WWOX: variants seen among roughly 807,000 people sequenced by gnomAD.
WWOX encodes WW domain containing oxidoreductase.
A neutral mutation model predicts 46.2 loss-of-function variants in WWOX; 69 were observed. The observed-to-expected ratio is 1.49, with a 90% confidence interval of 1.23 to 1.82. The LOEUF is 1.82. WWOX is among the 40% of genes most tolerant of loss of function. WWOX has a pLI of 0.00. For synonymous variants in WWOX, 359 were observed against 202.6 expected, an observed-to-expected ratio of 1.77 and a Z score of -6.56; for missense variants, 919 against 542.6, an observed-to-expected ratio of 1.69 and a Z score of -6.89.
At chr16:78,648,939 C>G (rs1330576994) in intron 8 of WWOX, among the ~76,000 whole-genome samples, 1 of 151,974 alleles carries the variant, frequency 6.6e-6, no homozygotes, top group Non-Finnish European at 1.5e-5. Flanking sequence ...CTGTTTGTTT[C>G]TTTGATTGTT....
intron 8 of WWOX, among the ~76,000 whole-genome samples, chr16:78,930,398 C>G (rs1216345097): frequency 1.3e-5 from 2 of 150,976 alleles, no homozygotes; most frequent in Non-Finnish European, 2.9e-5. Flanking sequence ...ACACCTTAGC[C>G]TCCTGAGTAG....
chr16:78,366,707 A>T (rs895603643), intron 5 of WWOX, among the ~76,000 whole-genome samples: 1 of 152,178 alleles, frequency 6.6e-6, no homozygotes, highest in Non-Finnish European at 1.5e-5. Context: ...TACTTGAAAA[A>T]TCTAAAATGC....
At chr16:79,115,691 G>A (rs1256481602) in intron 8 of WWOX, among the ~76,000 whole-genome samples, 1 of 152,100 alleles carries the variant, frequency 6.6e-6, no homozygotes, top group Non-Finnish European at 1.5e-5. Context: ...CCCAGCCCCC[G>A]CACTGGTTGC....
At chr16:78,627,982 C>A (rs530497204) in intron 8 of WWOX, among the ~76,000 whole-genome samples, 232 of 152,286 alleles carry the variant, frequency 1.5e-3, no homozygotes, top group African/African-American at 5.3e-3. Flanking sequence ...TGGCATTTGT[C>A]CTTGGGAGAG....
At chr16:79,120,436 G>A (rs564390756) in intron 8 of WWOX, among the ~76,000 whole-genome samples, 5 of 152,238 alleles carry the variant, frequency 3.3e-5, no homozygotes, top group African/African-American at 9.6e-5. Context: ...AAGTTTAGGC[G>A]CCCCTCCTGC....
intron 8 of WWOX, among the ~76,000 whole-genome samples, chr16:78,437,573 C>G (rs552370832): frequency 6.6e-6 from 1 of 152,126 alleles, no homozygotes; most frequent in Non-Finnish European, 1.5e-5. Context: ...CTCTGCCTCC[C>G]TCTTCTTCTT....
chr16:79,146,237 T>C (rs1236576292), intron 8 of WWOX, among the ~76,000 whole-genome samples: 1 of 152,190 alleles, frequency 6.6e-6, no homozygotes, highest in African/African-American at 2.4e-5. Flanking sequence ...AAAGAGTCTT[T>C]TGCATTTTTA....
chr16:78,858,535 T>A lies in WWOX; in HGVS notation c.1057-353073T>A, dbSNP rs1349503160. Among the ~76,000 whole-genome samples, 8 of 152,142 alleles carry A rather than the reference T, an allele frequency of 5.3e-5. No homozygotes were observed. The East Asian group carries it at 1.5e-3, about 29-fold the overall frequency. On this transcript the variant is annotated intron_variant, in intron 8 of 8. Transcript: ENST00000566780. ...GTATTTTCATAAAATGATTTGGGGTTGAGGTGATAAACAGTAATTATAAAT... is the reference window on the plus strand; with the variant it reads ...GTATTTTCATAAAATGATTTGGGGTAGAGGTGATAAACAGTAATTATAAAT...
intron 8 of WWOX, among the ~76,000 whole-genome samples, chr16:79,178,373 G>T (rs2050843321): frequency 6.6e-6 from 1 of 152,138 alleles, no homozygotes; most frequent in South Asian, 2.1e-4. Context: ...CTGGAGTGCA[G>T]TGGTGCGGTC....
chr16:78,723,973 C>G (rs1040049998), intron 8 of WWOX, among the ~76,000 whole-genome samples: 5 of 152,164 alleles, frequency 3.3e-5, no homozygotes, highest in African/African-American at 1.2e-4. Flanking sequence ...CCCCCATGGC[C>G]TCCATGGTAC....
At chr16:78,944,065 T>G (rs999130527) in intron 8 of WWOX, among the ~76,000 whole-genome samples, 1 of 152,176 alleles carries the variant, frequency 6.6e-6, no homozygotes, top group Non-Finnish European at 1.5e-5. Context: ...ACGTATTGAT[T>G]TCTGAGAATT....
intron 5 of WWOX, among the ~76,000 whole-genome samples, chr16:78,297,244 C>T (rs1286186025): frequency 6.6e-6 from 1 of 152,084 alleles, no homozygotes. Flanking sequence ...CTGTGTAAAC[C>T]TGAGAATGGT....
At chr16:78,763,429 T>A (rs1203861685) in intron 8 of WWOX, among the ~76,000 whole-genome samples, 1 of 152,232 alleles carries the variant, frequency 6.6e-6, no homozygotes, top group African/African-American at 2.4e-5. Flanking sequence ...TGGTCACATC[T>A]TCTGACCTCA....
At chr16:79,137,227 A>C (rs114773586) in intron 8 of WWOX, among the ~76,000 whole-genome samples, 1 of 152,102 alleles carries the variant, frequency 6.6e-6, no homozygotes, top group Non-Finnish European at 1.5e-5. Flanking sequence ...CATGCTCTCT[A>C]TTTCCTCGAT....
At chr16:78,300,565 C>T (rs767156046) in intron 5 of WWOX, among the ~76,000 whole-genome samples, 5 of 151,898 alleles carry the variant, frequency 3.3e-5, no homozygotes, top group Non-Finnish European at 7.4e-5. Flanking sequence ...CCTCCCTTCC[C>T]TCTCTTCCTT....
At chr16:78,707,937 C>T (rs527736394) in intron 8 of WWOX, among the ~76,000 whole-genome samples, 24 of 152,280 alleles carry the variant, frequency 1.6e-4, no homozygotes, top group Admixed American at 1.1e-3. Context: ...CAAAAGCAAT[C>T]GTGGTTTTTG....
At chr16:78,963,900 C>T (rs1228014437) in intron 8 of WWOX, among the ~76,000 whole-genome samples, 1 of 151,996 alleles carries the variant, frequency 6.6e-6, no homozygotes, top group African/African-American at 2.4e-5. Context: ...CTGGTGTTTC[C>T]CATGTTATTC....
intron 8 of WWOX, among the ~76,000 whole-genome samples, chr16:79,010,715 C>A (rs2047286363): frequency 1.3e-5 from 2 of 150,508 alleles, no homozygotes; most frequent in African/African-American, 4.9e-5. Context: ...GAGGTTTGGC[C>A]ATGGGTACCA....
At chr16:78,541,975 G>A (rs1253879944) in intron 8 of WWOX, among the ~76,000 whole-genome samples, 2 of 119,404 alleles carry the variant, frequency 1.7e-5, no homozygotes, top group African/African-American at 6.3e-5. Flanking sequence ...TTGGTGTCAT[G>A]TTTGAAGTCA....
Sources: allele counts gnomAD v4.1 joint callset (sites outside exome capture counted in the v4.1 genomes callset), GRCh38; gene constraint gnomAD v4.1.1; transcripts MANE v1.5; gene names NCBI Gene and HGNC (gene_info 2026-07-23, HGNC 2026-07-21).